Variants in EMC8 observed in about 807,000 individuals in gnomAD.
EMC8 encodes the protein ER membrane protein complex subunit 8, also known as COX4 neighbor.
EMC8 carries 11 observed loss-of-function variants against 24.3 expected under a neutral mutation model. The observed-to-expected ratio is 0.45, with a 90% CI of 0.28 to 0.75. The LOEUF (loss-of-function observed/expected upper bound fraction) is 0.75, where lower values mean the gene tolerates loss of function less well. Ranked by LOEUF, EMC8 falls within the 30% of genes least tolerant of loss-of-function variation. The pLI is 0.12. For missense variants in EMC8, 277 were observed against 282.7 expected, an observed-to-expected ratio of 0.98 and a Z score of 0.14; for synonymous variants, 145 against 117.7, an observed-to-expected ratio of 1.23 and a Z score of -1.50.
chr16:85,794,030 T>C (rs1597208556), intron 1 of EMC8, among the ~76,000 whole-genome samples: 1 of 152,332 alleles, frequency 6.6e-6, no homozygotes, highest in East Asian at 1.9e-4. Context: ...CTATGGTCTT[T>C]CCCCTTTATC....
chr16:85,782,358 C>G (rs1256799170), intron 2 of EMC8, among the ~76,000 whole-genome samples: 1 of 152,188 alleles, frequency 6.6e-6, no homozygotes, highest in African/African-American at 2.4e-5. Flanking sequence ...ACCTTTCTAC[C>G]TTAAGTTAAT....
intron 2 of EMC8, chr16:85,781,502 C>T: frequency 2.1e-6 from 1 of 481,306 alleles, no homozygotes; most frequent in South Asian, 2.5e-5. Flanking sequence ...GCAATCATAG[C>T]CCACTGTAAC....
At chr16:85,797,242 T>A (rs1314651041) in intron 1 of EMC8, among the ~76,000 whole-genome samples, 1 of 152,192 alleles carries the variant, frequency 6.6e-6, no homozygotes, top group Non-Finnish European at 1.5e-5. Context: ...ACCCCATCTC[T>A]ACTAAAAATA....
At chr16:85,780,569 G>C in intron 3 of EMC8, 96 bp from the exon 4 acceptor site, 1 of 804,720 alleles carries the variant, frequency 1.2e-6, no homozygotes, top group Non-Finnish European at 2.1e-6. Context: ...CCGTGCCCAC[G>C]CTGGCTGGGG....
rs1263288690 is a variant in EMC8, at chr16:85,789,050, T to C, written c.232A>G (p.Ile78Val). ...CTATGATCTTTGCACCATGAATCAA[T>C]CTGAAAGAGGAACAAAAATTGGGAA... is the stretch of plus-strand genomic sequence containing the variant. Reference protein sequence around the residue: ...APMLEVALTLIDSWCKDHSYV... With the variant: ...APMLEVALTLVDSWCKDHSYV... The change falls in exon 2 of 5, where the codon ATT (isoleucine) becomes GTT (valine). Residue 78 changes from isoleucine to valine, a missense_variant and splice_region_variant. Physicochemically the swap from Ile to Val is conservative, Grantham distance 29 (BLOSUM62 3). Coordinates refer to ENST00000253457, the MANE Select transcript of EMC8 (RefSeq NM_006067.5). 8 of 1,611,620 alleles carry C rather than the reference T, an allele frequency of 5.0e-6. No homozygotes were observed. The highest frequency in any genetic ancestry group is 6.8e-6 in the Non-Finnish European group (8 of 1,177,934).
At chr16:85,798,091 G>A (rs1308425367) in intron 1 of EMC8, among the ~76,000 whole-genome samples, 2 of 146,030 alleles carry the variant, frequency 1.4e-5, no homozygotes, top group Admixed American at 6.9e-5. Context: ...GTCTGCTCCT[G>A]CTGTTTAATG....
At position 85,788,961 on chromosome 16, in the gene EMC8, T is replaced by G; in HGVS notation, c.308+13A>C. 6.3e-7 allele frequency: 1 copy of G among 1,598,002 alleles called. No individual in the cohort carries two copies. Among genetic ancestry groups the G allele is most frequent in the Non-Finnish European group, 8.6e-7 (1 of 1,165,314 alleles). On this transcript the variant is annotated intron_variant, in intron 2 of 4. Transcript: ENST00000253457. Reference sequence around the variant, plus strand: ...TCACTTCCTCGCCCACAGAGGGTTCTGCATCCACGTACCTGGCATCCTTTA... The same window carrying G: ...TCACTTCCTCGCCCACAGAGGGTTCGGCATCCACGTACCTGGCATCCTTTA...
chr16:85,789,130 C>A, intron 1 of EMC8, 80 bp from the exon 2 acceptor site: 1 of 896,236 alleles, frequency 1.1e-6, no homozygotes. Context: ...GATCTCACTG[C>A]CACATGCTGG....
intron 2 of EMC8, among the ~76,000 whole-genome samples, chr16:85,786,494 C>T (rs909907523): frequency 3.9e-5 from 6 of 152,118 alleles, no homozygotes; most frequent in African/African-American, 9.7e-5. Flanking sequence ...AAAATGACCC[C>T]GATAGAGCCC....
chr16:85,790,478 A>T (rs1335073167), intron 1 of EMC8, among the ~76,000 whole-genome samples: 1 of 152,238 alleles, frequency 6.6e-6, no homozygotes, highest in African/African-American at 2.4e-5. Flanking sequence ...TGCTGAAAAC[A>T]ACTCCAAAAC....
At chr16:85,795,387 G>C (rs116549183) in intron 1 of EMC8, among the ~76,000 whole-genome samples, 492 of 152,318 alleles carry the variant, frequency 3.2e-3, no homozygotes, top group African/African-American at 0.011. Flanking sequence ...GGTGTGATGA[G>C]AGACACTGGT....
chr16:85,779,838 T>C lies in EMC8; in HGVS notation c.503A>G (p.Gln168Arg). Reference sequence around the variant, plus strand: ...GTCCAGGAGCGAGGCTGAGATCCTCTGTGCCTCTGGCCAGTCTTCACAGTA... The same window carrying C: ...GTCCAGGAGCGAGGCTGAGATCCTCCGTGCCTCTGGCCAGTCTTCACAGTA... ...HDYCEDWPEA[Q>R]RISASLLDSR... Residue 168 changes from glutamine (Q) to arginine (R), a missense_variant, in exon 5 of 5, where the codon CAG (glutamine) becomes CGG (arginine). By Grantham distance (43) the Gln-to-Arg change is conservative (BLOSUM62 1). Coordinates refer to ENST00000253457, the MANE Select transcript of EMC8 (RefSeq NM_006067.5). The C allele has an allele frequency of 1.2e-6, 2 of 1,614,190 alleles. No individual in the cohort carries two copies. Among genetic ancestry groups the C allele is most frequent in the East Asian group, 2.2e-5 (1 of 44,888 alleles).
intron 2 of EMC8, among the ~76,000 whole-genome samples, chr16:85,782,143 G>A (rs1229934905): frequency 6.6e-6 from 1 of 152,206 alleles, no homozygotes; most frequent in African/African-American, 2.4e-5. Context: ...CAGCTCCTGG[G>A]CCAAACTCCA....
At chr16:85,797,058 C>G (rs1394800814) in intron 1 of EMC8, among the ~76,000 whole-genome samples, 1 of 152,214 alleles carries the variant, frequency 6.6e-6, no homozygotes, top group African/African-American at 2.4e-5. Flanking sequence ...ATCTAGCTCC[C>G]TGCAAGTCAA....
intron 1 of EMC8, chr16:85,798,486 G>A (rs910108680): frequency 6.6e-6 from 1 of 152,190 alleles, no homozygotes; most frequent in Non-Finnish European, 1.5e-5. Flanking sequence ...AACCATTAAC[G>A]GGAACAAATT....
Position 85,799,364 on chromosome 16 carries a change from C to T in EMC8, c.-69G>A. The T allele has an allele frequency of 9.9e-7, 1 of 1,013,430 alleles. No individual in the cohort carries two copies. The highest frequency in any genetic ancestry group is 1.3e-6 in the Non-Finnish European group (1 of 742,922). 62.8% of individuals were successfully genotyped at this position (1,013,430 alleles called of 1,614,324 possible). ...GGCCTGGACCCGCTGCCTGGCCGCG[C>T]GGCGCCTCAGCCGAGAAGCGGGACG... On this transcript the variant is annotated 5_prime_UTR_variant, in exon 1 of 5. Transcript: ENST00000253457. The surrounding 1 kb of genome is among the most constrained non-coding windows in gnomAD (Gnocchi z 4.2).
intron 1 of EMC8, among the ~76,000 whole-genome samples, chr16:85,789,534 G>A (rs911156815): frequency 6.6e-5 from 10 of 152,160 alleles, no homozygotes; most frequent in African/African-American, 9.7e-5. Context: ...GCTCACACCT[G>A]TAATCCCAGC....
At chr16:85,784,515 A>T (rs1484205356) in intron 2 of EMC8, 1 of 152,238 alleles carries the variant, frequency 6.6e-6, no homozygotes, top group Non-Finnish European at 1.5e-5. Context: ...GAAAAATATG[A>T]CTTAAAAATG....
rs112415179 is a variant in EMC8, at chr16:85,799,314, C to G, written c.-19G>C. On this transcript the variant is annotated 5_prime_UTR_variant, in exon 1 of 5. Coordinates refer to ENST00000253457, the MANE Select transcript of EMC8 (RefSeq NM_006067.5). This position sits in a 1 kb window ranked among gnomAD's most constrained non-coding sequence, Gnocchi z 4.2. ...CGGGCATGCTGACCCGGGAGGGCCCCGGAGGCCCCTGGGCGCGCGGCTGAG... is the reference window on the plus strand; with the variant it reads ...CGGGCATGCTGACCCGGGAGGGCCCGGGAGGCCCCTGGGCGCGCGGCTGAG... 6.4e-7 allele frequency: 1 copy of G among 1,558,468 alleles called. No homozygotes were observed. Among genetic ancestry groups the G allele is most frequent in the Non-Finnish European group, 8.7e-7 (1 of 1,149,700 alleles).
Sources: gnomAD v4.1 joint callset for allele counts (sites outside exome capture counted in the v4.1 genomes callset) on GRCh38, gnomAD v4.1.1 for gene constraint, Gnocchi (gnomAD v3.1) non-coding constraint, MANE v1.5 for transcripts, NCBI Gene and HGNC (gene_info 2026-07-23, HGNC 2026-07-21) for gene names.